GGA2: variants seen among roughly 807,000 people sequenced by gnomAD.
The protein encoded by GGA2 is ADP-ribosylation factor-binding protein GGA2.
In GGA2, 48 loss-of-function variants were observed where a neutral mutation model predicts 79.5. The observed-to-expected ratio is 0.60, with a 90% CI of 0.48 to 0.77. The LOEUF is 0.77. GGA2 is among the 30% of genes least tolerant of loss of function. GGA2 has a pLI of 0.00. For synonymous variants in GGA2, 317 were observed against 302.0 expected, an observed-to-expected ratio of 1.05 and a Z score of -0.51; for missense variants, 770 against 774.0, an observed-to-expected ratio of 0.99 and a Z score of 0.06.
chr16:23,486,940 G>A, intron 6 of GGA2, 150 bp from the exon 7 acceptor site: 2 of 658,898 alleles, frequency 3.0e-6, no homozygotes, highest in South Asian at 3.3e-5. Flanking sequence ...CTACGATGCA[G>A]GCACTCTGAC....
At chr16:23,521,395 T>C (rs1415697524) in intron 1 of GGA2, among the ~76,000 whole-genome samples, 1 of 152,106 alleles carries the variant, frequency 6.6e-6, no homozygotes, top group Non-Finnish European at 1.5e-5. Flanking sequence ...TTTAACTTTA[T>C]TTTATTCATT....
intron 1 of GGA2, among the ~76,000 whole-genome samples, chr16:23,506,787 T>C (rs560210010): frequency 6.6e-6 from 1 of 152,302 alleles, no homozygotes; most frequent in South Asian, 2.1e-4. Flanking sequence ...AATACTCAGG[T>C]GGCAATGGTG....
chr16:23,481,679 A>G (rs1047932082), intron 9 of GGA2, among the ~76,000 whole-genome samples: 2 of 152,168 alleles, frequency 1.3e-5, no homozygotes, highest in Non-Finnish European at 2.9e-5. Flanking sequence ...AGGCTGAGGC[A>G]TGAGAATCGC....
At chr16:23,494,504 C>A in intron 2 of GGA2, 126 bp from the exon 3 acceptor site, 1 of 734,304 alleles carries the variant, frequency 1.4e-6, no homozygotes, top group Non-Finnish European at 2.4e-6. Flanking sequence ...GTGGAGCGTG[C>A]CTGACAAACA....
At chr16:23,475,166 A>C in intron 13 of GGA2, 105 bp from the exon 14 acceptor site, 6 of 608,094 alleles carry the variant, frequency 9.9e-6, no homozygotes, top group African/African-American at 1.9e-5. Context: ...ACACACACAC[A>C]CACAGAGTTA....
intron 5 of GGA2, 129 bp downstream of exon 5, chr16:23,491,548 A>AAAAT: frequency 1.9e-6 from 1 of 522,630 alleles, no homozygotes; most frequent in East Asian, 3.4e-5. Context: ...AAAAAAAAAA[A>AAAAT]CTCTACCTCA....
At chr16:23,510,553 G>A, upstream of GGA2, 3 of 381,842 alleles carry the variant, frequency 7.9e-6, no homozygotes, top group South Asian at 1.1e-4. Context: ...CCCACCCCAG[G>A]CCCCCCCTCC....
intron 6 of GGA2, among the ~76,000 whole-genome samples, chr16:23,488,247 C>T (rs748983201): frequency 2.0e-5 from 3 of 152,052 alleles, no homozygotes; most frequent in Non-Finnish European, 2.9e-5. Flanking sequence ...TTCTTTCCCC[C>T]AGGAAGGCTG....
intron 5 of GGA2, among the ~76,000 whole-genome samples, chr16:23,490,874 G>A (rs1203088265): frequency 6.6e-6 from 1 of 152,068 alleles, no homozygotes; most frequent in Non-Finnish European, 1.5e-5. Context: ...CTAGCTCATA[G>A]GTAGCATTTA....
chr16:23,521,058 T>C (rs1227399189), intron 1 of GGA2, among the ~76,000 whole-genome samples: 1 of 152,166 alleles, frequency 6.6e-6, no homozygotes, highest in Non-Finnish European at 1.5e-5. Flanking sequence ...TCCCAAAATG[T>C]TGGGATTCTA....
intron 3 of GGA2, chr16:23,493,798 G>A (rs1055128671): frequency 9.3e-6 from 3 of 322,040 alleles, no homozygotes; most frequent in Non-Finnish European, 1.8e-5. Flanking sequence ...GGTATCCAGT[G>A]CCCAAGACCA....
rs758952030 is a variant in GGA2 at position 23,478,415 on chromosome 16, G to C, written c.1245C>G (p.Asp415Glu). ...PGGGVQNPSA[D>E]RNLLDLLSAQ... ...CTGAGAGGAGGTCCAGCAAATTCCT[G>C]TCTGCAGAAGGGTTCTGAACACCAC... The change falls in exon 13 of 17, where the codon GAC (aspartate) becomes GAG (glutamate). Residue 415 changes from aspartate (D) to glutamate (E), a missense_variant. Transcript: ENST00000309859. 2 of 1,610,974 alleles carry C rather than the reference G, an allele frequency of 1.2e-6. No individual in the cohort carries two copies. Among genetic ancestry groups the C allele is most frequent in the African/African-American group, 2.7e-5 (2 of 74,966 alleles).
intron 8 of GGA2, 76 bp downstream of exon 8, chr16:23,485,939 T>C (rs1005790156): frequency 2.2e-6 from 3 of 1,340,246 alleles, no homozygotes; most frequent in African/African-American, 1.4e-5. Context: ...GATGGCTTCA[T>C]GGGTGCAAAC....
At chr16:23,470,907 G>A (rs926510887) in intron 14 of GGA2, among the ~76,000 whole-genome samples, 5 of 123,120 alleles carry the variant, frequency 4.1e-5, no homozygotes, top group African/African-American at 1.2e-4. Flanking sequence ...TTGGCTCACC[G>A]CAACCTCTGC....
intron 1 of GGA2, among the ~76,000 whole-genome samples, chr16:23,502,311 A>T (rs1013509219): frequency 6.6e-6 from 1 of 152,170 alleles, no homozygotes; most frequent in Non-Finnish European, 1.5e-5. Flanking sequence ...AAGAGATGAA[A>T]TCAGTTCATC....
chr16:23,480,433 T>C (rs1964632383), intron 10 of GGA2: 1 of 504,610 alleles, frequency 2.0e-6, no homozygotes, highest in South Asian at 3.1e-5. Context: ...TGCTTTTGTG[T>C]GTAGTCAAAG....
At chr16:23,480,000 C>G (rs1964627930) in intron 10 of GGA2, 113 bp from the exon 11 acceptor site, 1 of 953,660 alleles carries the variant, frequency 1.0e-6, no homozygotes, top group Non-Finnish European at 1.6e-6. Flanking sequence ...AACGCCCTCC[C>G]TGCCCTTCCA....
chr16:23,495,880 G>C, intron 1 of GGA2, 102 bp from the exon 2 acceptor site: 1 of 674,574 alleles, frequency 1.5e-6, no homozygotes, highest in Non-Finnish European at 2.5e-6. Context: ...CAGATCTACA[G>C]GATCAGACCA....
upstream of GGA2, among the ~76,000 whole-genome samples, chr16:23,512,803 C>CAA (rs1965081049): frequency 7.6e-6 from 1 of 131,562 alleles, no homozygotes; most frequent in African/African-American, 2.9e-5. Flanking sequence ...CTCCTGGGTT[C>CAA]AAGTGATTCC....
Sources: allele counts gnomAD v4.1 joint callset (sites outside exome capture counted in the v4.1 genomes callset), GRCh38; gene constraint gnomAD v4.1.1; transcripts MANE v1.5; gene names NCBI Gene and HGNC (gene_info 2026-07-23, HGNC 2026-07-21).